Variants in LMNTD1 observed in about 807,000 individuals in gnomAD.
The protein encoded by LMNTD1 is lamin tail domain-containing protein 1.
In LMNTD1, 35 loss-of-function variants were observed where a neutral mutation model predicts 50.9. The observed-to-expected ratio is 0.69, with a 90% CI of 0.53 to 0.91. The LOEUF is 0.91. LMNTD1 is among the 40% of genes least tolerant of loss of function. The probability of loss-of-function intolerance (pLI) is 0.00; values close to 1 mark genes in which losing one functional copy is unlikely to be tolerated. For synonymous variants in LMNTD1, 153 were observed against 161.9 expected, an observed-to-expected ratio of 0.94 and a Z score of 0.42; for missense variants, 470 against 475.5, an observed-to-expected ratio of 0.99 and a Z score of 0.11.
At chr12:25,597,237 G>A (rs569979672) in intron 1 of LMNTD1, among the ~76,000 whole-genome samples, 3 of 151,858 alleles carry the variant, frequency 2.0e-5, no homozygotes, top group South Asian at 2.1e-4. Flanking sequence ...CTCTCCAATC[G>A]AAAGACATAG....
intron 1 of LMNTD1, among the ~76,000 whole-genome samples, chr12:25,591,848 A>AGAGAGAGAGAGAGAGAGG (rs879648923): frequency 3.3e-5 from 5 of 151,642 alleles, no homozygotes; most frequent in Admixed American, 2.6e-4. Flanking sequence ...AGAGAGAGAG[A>AGAGAGAGAGAGAGAGAGG]GAGAGAGAGA....
intron 1 of LMNTD1, among the ~76,000 whole-genome samples, chr12:25,630,311 C>T (rs969703165): frequency 1.3e-5 from 2 of 152,022 alleles, no homozygotes; most frequent in Non-Finnish European, 2.9e-5. Flanking sequence ...TCATGGTGGA[C>T]AGGAGGCAGG....
intron 8 of LMNTD1, 52 bp from the exon 9 acceptor site, chr12:25,503,852 G>A: frequency 9.9e-7 from 1 of 1,007,482 alleles, no homozygotes. Context: ...GGTAGGGAAG[G>A]GCAAGAGTTC....
intron 4 of LMNTD1, among the ~76,000 whole-genome samples, chr12:25,535,806 G>C (rs1387174513): frequency 1.3e-5 from 2 of 152,064 alleles, no homozygotes; most frequent in Non-Finnish European, 2.9e-5. Flanking sequence ...AAAAGAGCAA[G>C]TCTCAACTAT....
chr12:25,519,199 T>C (rs937827742), intron 7 of LMNTD1, among the ~76,000 whole-genome samples: 2 of 152,206 alleles, frequency 1.3e-5, no homozygotes, highest in Admixed American at 6.5e-5. Flanking sequence ...TCCTGGATAA[T>C]GCACCTCTCC....
intron 1 of LMNTD1, among the ~76,000 whole-genome samples, chr12:25,637,179 T>A (rs1317570668): frequency 6.6e-6 from 1 of 152,082 alleles, no homozygotes; most frequent in East Asian, 1.9e-4. Context: ...ATTTACAATA[T>A]TAGAATTATG....
At chr12:25,529,204 T>A (rs531212622) in intron 4 of LMNTD1, among the ~76,000 whole-genome samples, 3 of 152,284 alleles carry the variant, frequency 2.0e-5, no homozygotes, top group African/African-American at 7.2e-5. Flanking sequence ...ACCCAGCCCC[T>A]TCACGCATCT....
At chr12:25,639,843 A>G (rs1031209561) in intron 1 of LMNTD1, among the ~76,000 whole-genome samples, 2 of 152,234 alleles carry the variant, frequency 1.3e-5, no homozygotes, top group African/African-American at 4.8e-5. Flanking sequence ...CACAAAAGCT[A>G]TATGTGAACA....
At chr12:25,644,493 C>T (rs1165837491) in intron 1 of LMNTD1, among the ~76,000 whole-genome samples, 2 of 151,752 alleles carry the variant, frequency 1.3e-5, no homozygotes, top group Non-Finnish European at 2.9e-5. Flanking sequence ...AACAAACATA[C>T]AAACAAACGA....
intron 1 of LMNTD1, among the ~76,000 whole-genome samples, chr12:25,601,203 GAC>G (rs1258632520): frequency 6.6e-6 from 1 of 151,952 alleles, no homozygotes; most frequent in Admixed American, 6.6e-5. Flanking sequence ...AGCATAGAAA[GAC>G]AAATATTGCA....
At chr12:25,488,976 T>C (rs2135916292) in intron 9 of LMNTD1, among the ~76,000 whole-genome samples, 1 of 152,348 alleles carries the variant, frequency 6.6e-6, no homozygotes, top group East Asian at 1.9e-4. Context: ...GAGGAGGCAG[T>C]GTGCCCGTTC....
intron 1 of LMNTD1, among the ~76,000 whole-genome samples, chr12:25,565,711 G>A (rs1479002147): frequency 1.3e-5 from 2 of 151,968 alleles, no homozygotes; most frequent in Admixed American, 1.3e-4. Context: ...ACTTCTTTTT[G>A]CTCATCAACA....
intron 6 of LMNTD1, among the ~76,000 whole-genome samples, chr12:25,525,079 G>C (rs1223990133): frequency 6.6e-6 from 1 of 152,118 alleles, no homozygotes; most frequent in Non-Finnish European, 1.5e-5. Context: ...TAGACTGAGG[G>C]TAAGAAAAAT....
chr12:25,500,813 A>G (rs1034815597), intron 9 of LMNTD1, among the ~76,000 whole-genome samples: 6 of 152,090 alleles, frequency 3.9e-5, no homozygotes, highest in Non-Finnish European at 7.4e-5. Context: ...TCGCCCACAG[A>G]CACTGTTCAT....
chr12:25,587,527 G>A (rs1945570023), intron 1 of LMNTD1, among the ~76,000 whole-genome samples: 1 of 139,014 alleles, frequency 7.2e-6, no homozygotes, highest in African/African-American at 3.2e-5. Context: ...ACTCTTGTGA[G>A]GACTCACTCA....
chr12:25,538,236 C>G (rs1245889495), intron 4 of LMNTD1, among the ~76,000 whole-genome samples: 1 of 84,518 alleles, frequency 1.2e-5, no homozygotes, highest in Non-Finnish European at 2.8e-5. Context: ...CACAAAGATA[C>G]TCCTCGAGAC....
chr12:25,610,590 AG>A (rs1365257450), intron 1 of LMNTD1, among the ~76,000 whole-genome samples: 7 of 152,160 alleles, frequency 4.6e-5, no homozygotes, highest in Non-Finnish European at 2.9e-5. Flanking sequence ...AAAGATGAGG[AG>A]ATGAGGAGAT....
At chr12:25,647,160 A>C (rs560166386) in intron 1 of LMNTD1, among the ~76,000 whole-genome samples, 1 of 152,226 alleles carries the variant, frequency 6.6e-6, no homozygotes, top group African/African-American at 2.4e-5. Context: ...AATGTCTACA[A>C]TAATAATATT....
At chr12:25,631,314 C>T (rs1292771610) in intron 1 of LMNTD1, among the ~76,000 whole-genome samples, 1 of 151,774 alleles carries the variant, frequency 6.6e-6, no homozygotes, top group Non-Finnish European at 1.5e-5. Flanking sequence ...CTGGAAAGCG[C>T]CACCTCTTGG....
Sources: allele counts gnomAD v4.1 joint callset (sites outside exome capture counted in the v4.1 genomes callset), GRCh38; gene constraint gnomAD v4.1.1; transcripts MANE v1.5; gene names NCBI Gene and HGNC (gene_info 2026-07-23, HGNC 2026-07-21).